The following UNC5D variants were observed in gnomAD, a reference collection of about 807,000 sequenced individuals.
UNC5D encodes the protein unc-5 netrin receptor D.
A neutral mutation model predicts 105.4 loss-of-function variants in UNC5D; 39 were observed. That is an observed-to-expected ratio of 0.37 (90% CI 0.29 to 0.48). The LOEUF is 0.48. Ranked by LOEUF, UNC5D falls within the 20% of genes least tolerant of loss-of-function variation. The pLI is 0.98. For missense variants in UNC5D, 991 were observed against 1,202.4 expected (o/e 0.82, Z 2.60); for synonymous variants, 452 against 450.4 (o/e 1.00, Z -0.04).
chr8:35,283,795 T>A (rs1285405718), intron 1 of UNC5D, among the ~76,000 whole-genome samples: 1 of 70,608 alleles, frequency 1.4e-5, no homozygotes, highest in Non-Finnish European at 3.1e-5. Flanking sequence ...AGAGTGAGAC[T>A]CCGAATAAAA....
intron 2 of UNC5D, among the ~76,000 whole-genome samples, chr8:35,558,143 A>T (rs1586129128): frequency 2.6e-5 from 4 of 151,746 alleles, no homozygotes. Flanking sequence ...AAAAAAAAAA[A>T]AAAGTCTCCC....
intron 1 of UNC5D, among the ~76,000 whole-genome samples, chr8:35,495,458 C>CAAAAAAAAAAAA (rs71547636): frequency 0.019 from 850 of 43,922 alleles, no homozygotes; most frequent in Non-Finnish European, 0.024. Flanking sequence ...ACAACAACAA[C>CAAAAAAAAAAAA]AAAAAAAAAA....
rs144546226 is a variant in UNC5D, at chr8:35,287,826, A to G, written c.103+51939A>G. Among the ~76,000 whole-genome samples the G allele has an allele frequency of 1.2e-3, 187 of 152,206 alleles. 3 individuals are homozygous for G. In the East Asian group the frequency reaches 0.034, roughly 28 times the overall value. The stretch of plus-strand genomic sequence containing the variant: ...CTCAAAAAAAATGACTAAATAATAA[A>G]TAAATAAATAAATATACTTTAAAGC... On this transcript the variant is annotated intron_variant, in intron 1 of 16. Coordinates refer to ENST00000404895, the MANE Select transcript of UNC5D (RefSeq NM_080872.4).
chr8:35,623,985 C>G (rs1449726016), intron 4 of UNC5D, among the ~76,000 whole-genome samples: 1 of 152,094 alleles, frequency 6.6e-6, no homozygotes, highest in African/African-American at 2.4e-5. Context: ...GAGGCTGAGG[C>G]AGGAGAATGG....
chr8:35,566,362 A>G (rs1817336391), intron 2 of UNC5D, among the ~76,000 whole-genome samples: 1 of 152,156 alleles, frequency 6.6e-6, no homozygotes, highest in African/African-American at 2.4e-5. Flanking sequence ...AGATATAATC[A>G]TGATCCACCT....
chr8:35,471,771 G>C (rs537542532), intron 1 of UNC5D, among the ~76,000 whole-genome samples: 1 of 152,122 alleles, frequency 6.6e-6, no homozygotes, highest in Admixed American at 6.6e-5. Context: ...ACGCATACTG[G>C]TAAAGACATC....
In UNC5D at chr8:35,757,683, C is replaced by T. The variant is rs532644685; in HGVS notation, c.2164-1637C>T. On this transcript the variant is annotated intron_variant, in intron 13 of 16. Coordinates refer to ENST00000404895, the MANE Select transcript of UNC5D (RefSeq NM_080872.4). ...TCATTTCTGCACACCCAGTGCCCAG[C>T]TCCAACATAGCTCTGATGGAAATTT... Among the ~76,000 whole-genome samples the T allele has an allele frequency of 3.9e-5, 6 of 152,294 alleles. No individual in the cohort carries two copies. In the South Asian group the frequency reaches 1.2e-3, roughly 32 times the overall value.
chr8:35,719,944 C>A (rs1828485587), intron 8 of UNC5D, among the ~76,000 whole-genome samples: 1 of 152,084 alleles, frequency 6.6e-6, no homozygotes, highest in Non-Finnish European at 1.5e-5. Flanking sequence ...TCCTTTAAGT[C>A]AAATGGATTC....
chr8:35,769,731 G>A (rs754976811), intron 15 of UNC5D, among the ~76,000 whole-genome samples: 3 of 152,146 alleles, frequency 2.0e-5, no homozygotes, highest in Non-Finnish European at 4.4e-5. Flanking sequence ...TTGGGAGGGC[G>A]AGGTAGGCGG....
intron 1 of UNC5D, among the ~76,000 whole-genome samples, chr8:35,454,624 A>G (rs1401190678): frequency 6.6e-6 from 1 of 152,082 alleles, no homozygotes; most frequent in Non-Finnish European, 1.5e-5. Context: ...CCCACAGTTT[A>G]CTTGTCCCTA....
At chr8:35,305,577 T>TTTCTTTCTTTCTCTTTC (rs1808284926) in intron 1 of UNC5D, among the ~76,000 whole-genome samples, 7 of 53,998 alleles carry the variant, frequency 1.3e-4, no homozygotes, top group African/African-American at 4.6e-4. Context: ...CTTTCTTTCT[T>TTTCTTTCTTTCTCTTTC]TTTCTTTCTT....
intron 10 of UNC5D, among the ~76,000 whole-genome samples, chr8:35,728,590 A>T (rs1431432063): frequency 6.6e-6 from 1 of 152,218 alleles, no homozygotes; most frequent in Non-Finnish European, 1.5e-5. Context: ...GAAGTAAAAC[A>T]TATGCTCTGT....
chr8:35,387,017 C>CG (rs1563367214), intron 1 of UNC5D, among the ~76,000 whole-genome samples: 1 of 151,290 alleles, frequency 6.6e-6, no homozygotes, highest in Non-Finnish European at 1.5e-5. Context: ...GAAGGAATTC[C>CG]CCCCCTGCTG....
At chr8:35,570,024 C>G (rs577454282) in intron 3 of UNC5D, among the ~76,000 whole-genome samples, 2 of 152,154 alleles carry the variant, frequency 1.3e-5, no homozygotes. Context: ...TTCTTCATTG[C>G]GACTTGCCTG....
chr8:35,750,847 G>C (rs1263733486), intron 13 of UNC5D, 38 bp downstream of exon 13: 2 of 1,608,822 alleles, frequency 1.2e-6, no homozygotes, highest in Admixed American at 1.7e-5. Flanking sequence ...TTGGTGTCAT[G>C]AAAGTGTGTG....
chr8:35,593,335 A>G (rs1819295354), intron 3 of UNC5D, among the ~76,000 whole-genome samples: 2 of 152,222 alleles, frequency 1.3e-5, no homozygotes, highest in Admixed American at 6.5e-5. Context: ...TATGTTTTCT[A>G]TACTTTATCT....
chr8:35,399,245 C>T (rs991796560), intron 1 of UNC5D, among the ~76,000 whole-genome samples: 2 of 150,440 alleles, frequency 1.3e-5, no homozygotes, highest in African/African-American at 4.9e-5. Context: ...GTGGTAAACA[C>T]AAAATAGATT....
intron 1 of UNC5D, among the ~76,000 whole-genome samples, chr8:35,454,522 G>C (rs573825526): frequency 2.6e-4 from 39 of 152,194 alleles, no homozygotes; most frequent in Middle Eastern, 3.4e-3. Context: ...CTCATCAGCA[G>C]AGACAAGAAA....
intron 1 of UNC5D, among the ~76,000 whole-genome samples, chr8:35,399,250 T>C (rs1404899236): frequency 6.7e-6 from 1 of 149,208 alleles, no homozygotes; most frequent in African/African-American, 2.5e-5. Context: ...AAACACAAAA[T>C]AGATTTCTAG....
Sources: gnomAD v4.1 joint callset for allele counts (sites outside exome capture counted in the v4.1 genomes callset) on GRCh38, gnomAD v4.1.1 for gene constraint, MANE v1.5 for transcripts, NCBI Gene and HGNC (gene_info 2026-07-23, HGNC 2026-07-21) for gene names.